VWA7: variants seen among roughly 807,000 people sequenced by gnomAD.
VWA7 encodes von Willebrand factor A domain-containing protein 7.
A neutral mutation model predicts 83.1 loss-of-function variants in VWA7; 66 were observed. The ratio of observed to expected loss-of-function variants is 0.79; its 90% CI spans 0.65 to 0.98. The LOEUF (loss-of-function observed/expected upper bound fraction) is 0.98, where lower values mean the gene tolerates loss of function less well. Ranked by LOEUF, VWA7 falls within the 50% of genes least tolerant of loss-of-function variation. The pLI, the probability that VWA7 is intolerant of heterozygous loss-of-function variation, is 0.00. For synonymous variants in VWA7, 424 were observed against 488.5 expected, an observed-to-expected ratio of 0.87 and a Z score of 1.74; for missense variants, 1,080 against 1,160.2, an observed-to-expected ratio of 0.93 and a Z score of 1.00.
At chr6:31,765,839 C>T (rs985511171) in intron 16 of VWA7, 44 bp downstream of exon 16, 3 of 1,608,026 alleles carry the variant, frequency 1.9e-6, no homozygotes, top group Non-Finnish European at 2.5e-6. Flanking sequence ...ACACCACCCT[C>T]CCCGGCCTTG....
chr6:31,772,878 C>T (rs896165743), intron 7 of VWA7, 76 bp downstream of exon 7: 29 of 1,521,770 alleles, frequency 1.9e-5, no homozygotes, highest in Middle Eastern at 1.7e-4. Context: ...GGATTACAGG[C>T]GTGAGCCACC....
At position 31,765,778 on chromosome 6, in the gene VWA7, G is replaced by A. The variant is rs1266406050; in HGVS notation, c.2500-8C>T. 2 of 1,584,292 alleles carry A rather than the reference G, an allele frequency of 1.3e-6. No homozygotes were observed. Among genetic ancestry groups the A allele is most frequent in the Non-Finnish European group, 1.7e-6 (2 of 1,163,890 alleles). On this transcript the variant is annotated splice_polypyrimidine_tract_variant and splice_region_variant and intron_variant, in intron 16 of 16. Transcript: ENST00000375688. ...AGGGGTGGTGTGCCGGTCCTGTGGG[G>A]AAAAGGAAGAGAATGACAGGGTGTG...
rs372011631 is a variant in VWA7, at chr6:31,777,258, T to G, written c.-165A>C. The G allele has an allele frequency of 8.1e-3, 3,851 of 476,850 alleles. 176 individuals carry two copies. In the South Asian group the frequency reaches 0.082, roughly 10 times the overall value. 29.5% of individuals were successfully genotyped at this position (476,850 alleles called of 1,614,324 possible). On this transcript the variant is annotated 5_prime_UTR_variant, in exon 1 of 17. Transcript: ENST00000375688. The surrounding 1 kb of genome is among the most constrained non-coding windows in gnomAD (Gnocchi z 5.8). ...AGGCAACCCCTGGCCCTTTCGCTCC[T>G]GCCTGCCCAAAGCCACAGGCAGCAG...
chr6:31,767,890 TG>T (rs1277764846), intron 10 of VWA7, 136 bp from the exon 11 acceptor site: 19 of 1,031,972 alleles, frequency 1.8e-5, no homozygotes. Flanking sequence ...CCCAGCACTT[TG>T]GGAGGCTGAG....
At position 31,766,076 on chromosome 6, in the gene VWA7, C is replaced by T. The variant is rs1811529868; in HGVS notation, c.2325-19G>A. The T allele has an allele frequency of 6.8e-6, 11 of 1,612,204 alleles. No homozygotes were observed. Among genetic ancestry groups the T allele is most frequent in the Admixed American group, 3.3e-5 (2 of 59,954 alleles). ...GTGAGCCCTGGAGAGAGGATATAGG[C>T]GTCGCTAAAGCTCCAGGCTGCCCAG... is the stretch of plus-strand genomic sequence containing the variant. On this transcript the variant is annotated intron_variant, in intron 15 of 16. Coordinates refer to ENST00000375688, the MANE Select transcript of VWA7 (RefSeq NM_025258.3). The surrounding 1 kb of genome is among the most constrained non-coding windows in gnomAD (Gnocchi z 4.9).
Position 31,776,556 on chromosome 6 carries a change from T to A in VWA7, c.224A>T (p.Glu75Val), listed in dbSNP as rs769559944. The A allele has an allele frequency of 1.9e-4, 299 of 1,547,120 alleles. 3 individuals are homozygous for A. Among genetic ancestry groups the A allele is most frequent in the Non-Finnish European group, 2.3e-4 (262 of 1,145,446 alleles). ...CCCTGGGATGCTCACCAGGAAGTCC[T>A]CAAGACGAAGAGGGGGGCGGCCTGG... ...PPPGRPPLRL[E>V]DFLGRTLLAD... Residue 75 changes from glutamate to valine, a missense_variant, in exon 2 of 17, where the codon GAG becomes GTG. By Grantham distance (121) the Glu-to-Val change is moderately radical. Transcript: ENST00000375688. The surrounding 1 kb of genome is among the most constrained non-coding windows in gnomAD (Gnocchi z 6.2).
At position 31,776,140 on chromosome 6, in the gene VWA7, C is replaced by T; in HGVS notation, c.337G>A (p.Ala113Thr). 6.2e-7 allele frequency: 1 copy of T among 1,614,082 alleles called. No individual in the cohort carries two copies. The change falls in exon 3 of 17, where the codon GCC (alanine) becomes ACC (threonine). Residue 113 changes from alanine to threonine, a missense_variant. Coordinates refer to ENST00000375688, the MANE Select transcript of VWA7 (RefSeq NM_025258.3). The surrounding 1 kb of genome is among the most constrained non-coding windows in gnomAD (Gnocchi z 6.2). The stretch of plus-strand genomic sequence containing the variant: ...CTGGAAGTTGGCAGGAAGTCCTGGG[C>T]TGCATTGGCACGAGACACCTCACCT... Reference protein sequence around the residue: ...ALGEVSRANAAQDFLPTSRND... With the variant: ...ALGEVSRANATQDFLPTSRND...
At position 31,773,221 on chromosome 6, in the gene VWA7, C is replaced by T. The variant is rs962675151; in HGVS notation, c.917+21G>A. Reference sequence around the variant, plus strand: ...AGGAGCGCCTCCCCATGAAGGGGTCCATCCCCAGGAGGCCACTCACCTGGA... The same window carrying T: ...AGGAGCGCCTCCCCATGAAGGGGTCTATCCCCAGGAGGCCACTCACCTGGA... On this transcript the variant is annotated intron_variant, in intron 6 of 16. Transcript: ENST00000375688. The surrounding 1 kb of genome is among the most constrained non-coding windows in gnomAD (Gnocchi z 5.3). 1.3e-6 allele frequency: 2 copies of T among 1,595,112 alleles called. No homozygotes were observed. The highest frequency in any genetic ancestry group is 3.6e-5 in the Admixed American group (2 of 55,840).
chr6:31,769,576 C>T lies in VWA7; in HGVS notation c.1317+99G>A. On this transcript the variant is annotated intron_variant, in intron 9 of 16. Transcript: ENST00000375688. The surrounding 1 kb of genome is among the most constrained non-coding windows in gnomAD (Gnocchi z 4.5). ...CCACCATATACCAAGGCTTGTTGGG[C>T]CACCATAGTGTGGTGCAACCCTCGT... 8.9e-7 allele frequency: 1 copy of T among 1,123,578 alleles called. No homozygotes were observed. Among genetic ancestry groups the T allele is most frequent in the Non-Finnish European group, 1.3e-6 (1 of 753,482 alleles). The allele number at this position is 1,123,578 out of a possible 1,614,324, so 69.6% of individuals were successfully genotyped here.
Position 31,775,240 on chromosome 6 carries a change from A to G in VWA7, c.610+93T>C, listed in dbSNP as rs557056009. On this transcript the variant is annotated intron_variant, in intron 4 of 16. Coordinates refer to ENST00000375688, the MANE Select transcript of VWA7 (RefSeq NM_025258.3). The surrounding 1 kb of genome is among the most constrained non-coding windows in gnomAD (Gnocchi z 5.9). ...GTCCTTGTGGAGATTAAGTAACATCATACCCTCTGGGACTTCAGAATGTGA... is the reference window on the plus strand; with the variant it reads ...GTCCTTGTGGAGATTAAGTAACATCGTACCCTCTGGGACTTCAGAATGTGA... 1.8e-6 allele frequency: 2 copies of G among 1,124,968 alleles called. No homozygotes were observed. Among genetic ancestry groups the G allele is most frequent in the African/African-American group, 1.6e-5 (1 of 63,248 alleles). 69.7% of individuals were successfully genotyped at this position (1,124,968 alleles called of 1,614,324 possible).
At position 31,773,162 on chromosome 6, in the gene VWA7, G is replaced by A. The variant is rs768225435; in HGVS notation, c.918-39C>T. ...CAGAGACACAGTGAAGGGCCTGCACGTTTGTCCCCAGCGCCTGGTTTCTCC... is the reference window on the plus strand; with the variant it reads ...CAGAGACACAGTGAAGGGCCTGCACATTTGTCCCCAGCGCCTGGTTTCTCC... On this transcript the variant is annotated intron_variant, in intron 6 of 16. Transcript: ENST00000375688. This position sits in a 1 kb window ranked among gnomAD's most constrained non-coding sequence, Gnocchi z 5.3. The A allele has an allele frequency of 8.7e-6, 14 of 1,600,246 alleles. No individual in the cohort carries two copies. The highest frequency in any genetic ancestry group is 1.3e-5 in the African/African-American group (1 of 74,752).
rs1319611173 is a variant in VWA7 at position 31,775,095 on chromosome 6, G to T, written c.610+238C>A. ...AAGGCCCCATGGGAGTCAGTGCGGG[G>T]AGGAAGCCACACTTAAGACGGGACT... On this transcript the variant is annotated intron_variant, in intron 4 of 16. Transcript: ENST00000375688. This position sits in a 1 kb window ranked among gnomAD's most constrained non-coding sequence, Gnocchi z 5.9. Among the ~76,000 whole-genome samples, 1 of 152,160 alleles carries T rather than the reference G, an allele frequency of 6.6e-6. No homozygotes were observed. The highest frequency in any genetic ancestry group is 1.5e-5 in the Non-Finnish European group (1 of 68,034).
At chr6:31,768,448 A>C (rs1441641430) in intron 10 of VWA7, among the ~76,000 whole-genome samples, 1 of 152,086 alleles carries the variant, frequency 6.6e-6, no homozygotes, top group Non-Finnish European at 1.5e-5. Flanking sequence ...GTCTCTGCAA[A>C]ATACAAGCCA....
rs967468536 is a variant in VWA7, at chr6:31,773,267, G to A, written c.892C>T (p.Arg298Cys). The A allele has an allele frequency of 4.4e-6, 7 of 1,606,198 alleles. No homozygotes were observed. Among genetic ancestry groups the A allele is most frequent in the Admixed American group, 1.7e-5 (1 of 58,302 alleles). Residue 298 changes from arginine (R) to cysteine (C), a missense_variant, in exon 6 of 17, where the codon CGC becomes TGC. Physicochemically the swap from Arg to Cys is radical, Grantham distance 180. Coordinates refer to ENST00000375688, the MANE Select transcript of VWA7 (RefSeq NM_025258.3). This position sits in a 1 kb window ranked among gnomAD's most constrained non-coding sequence, Gnocchi z 5.3. ...SIQAFSLLRS[R>C]LGDRDFSRLL... ...CTGGAGAAATCCCTGTCTCCCAGGCGGCTTCGCAGAAGGCTGAAGGCCTGG... is the reference window on the plus strand; with the variant it reads ...CTGGAGAAATCCCTGTCTCCCAGGCAGCTTCGCAGAAGGCTGAAGGCCTGG...
Position 31,773,040 on chromosome 6 carries a change from T to A in VWA7, c.1001A>T (p.Lys334Ile), listed in dbSNP as rs1554218067. 1 of 1,612,632 alleles carries A rather than the reference T, an allele frequency of 6.2e-7. No homozygotes were observed. The highest frequency in any genetic ancestry group is 8.5e-7 in the Non-Finnish European group (1 of 1,179,890). ...GSMGEEINAA[K>I]IQARHLVEQR... ...CTCCACAAGGTGGCGAGCCTGGATTTTGGCAGCGTTGATCTCCTCACCCAT... is the reference window on the plus strand; with the variant it reads ...CTCCACAAGGTGGCGAGCCTGGATTATGGCAGCGTTGATCTCCTCACCCAT... Residue 334 changes from lysine to isoleucine, a missense_variant, in exon 7 of 17, where the codon AAA (lysine) becomes ATA (isoleucine). Physicochemically the swap from Lys to Ile is moderately radical, Grantham distance 102. Coordinates refer to ENST00000375688, the MANE Select transcript of VWA7 (RefSeq NM_025258.3). The surrounding 1 kb of genome is among the most constrained non-coding windows in gnomAD (Gnocchi z 5.3).
Position 31,769,844 on chromosome 6 carries a change from G to T in VWA7, c.1201-53C>A. On this transcript the variant is annotated intron_variant, in intron 8 of 16. Transcript: ENST00000375688. The surrounding 1 kb of genome is among the most constrained non-coding windows in gnomAD (Gnocchi z 4.5). The stretch of plus-strand genomic sequence containing the variant: ...AACAATGGCAGTAGGAGGGGAATGG[G>T]TAGAGCCACGGAGGATGAAGCAGAA... 6.4e-7 allele frequency: 1 copy of T among 1,553,750 alleles called. No homozygotes were observed. The highest frequency in any genetic ancestry group is 8.9e-7 in the Non-Finnish European group (1 of 1,126,636).
At chr6:31,767,540 A>T in intron 11 of VWA7, 26 bp from the exon 12 acceptor site, 6 of 1,601,454 alleles carry the variant, frequency 3.7e-6, no homozygotes, top group East Asian at 4.5e-5. Flanking sequence ...AGATTGTCAC[A>T]TGAAGCACTT....
chr6:31,766,887 G>A lies in VWA7; in HGVS notation c.1883-123C>T, dbSNP rs933094044. On this transcript the variant is annotated intron_variant, in intron 13 of 16. Transcript: ENST00000375688. The surrounding 1 kb of genome is among the most constrained non-coding windows in gnomAD (Gnocchi z 4.9). ...ATGGATGGGAAAATAGGTTACCTTC[G>A]AGGGGTATTGATGGGGAGCATCAGG... 5.7e-5 allele frequency: 63 copies of A among 1,098,866 alleles called. No individual in the cohort carries two copies. The highest frequency in any genetic ancestry group is 7.2e-5 in the Non-Finnish European group (57 of 791,110). The allele number at this position is 1,098,866 out of a possible 1,614,324, so 68.1% of individuals were successfully genotyped here.
At chr6:31,767,086 ATATATTATATATTTTATATATATATAT>A in intron 13 of VWA7, 45 bp downstream of exon 13, 1 of 341,700 alleles carries the variant, frequency 2.9e-6, no homozygotes, top group Non-Finnish European at 5.3e-6. Flanking sequence ...TATATATATT[ATATATTATATATTTTATATATATATAT>A]AAAACTGGGG....
Sources: allele counts gnomAD v4.1 joint callset (sites outside exome capture counted in the v4.1 genomes callset), GRCh38; gene constraint gnomAD v4.1.1; non-coding constraint Gnocchi (gnomAD v3.1); transcripts MANE v1.5; gene names NCBI Gene and HGNC (gene_info 2026-07-23, HGNC 2026-07-21).